The following PSG2 variants were observed in gnomAD, a reference collection of about 807,000 sequenced individuals.
PSG2 encodes the protein pregnancy specific beta-1-glycoprotein 2.
Under a neutral mutation model 36.2 loss-of-function variants are expected in PSG2, and 49 were observed. The observed-to-expected ratio is 1.35, with a 90% CI of 1.08 to 1.72. The LOEUF (loss-of-function observed/expected upper bound fraction) is 1.72. PSG2 is among the 40% of genes most tolerant of loss of function. The pLI, the probability that PSG2 is intolerant of heterozygous loss-of-function variation, is 0.00. For synonymous variants in PSG2, 261 were observed against 155.6 expected (o/e 1.68, Z -5.04); for missense variants, 605 against 407.2 (o/e 1.49, Z -4.18).
intron 3 of PSG2, chr19:43,072,681 C>T (rs1967836759): frequency 1.9e-6 from 3 of 1,596,728 alleles, no homozygotes; most frequent in East Asian, 4.5e-5. Flanking sequence ...TTGATTCCTC[C>T]ACAGGCATCC....
chr19:43,067,874 T>C (rs1967762919), intron 4 of PSG2, among the ~76,000 whole-genome samples: 1 of 151,242 alleles, frequency 6.6e-6, no homozygotes, highest in African/African-American at 2.5e-5. Context: ...AACTGTAAAC[T>C]CTTACATTAA....
chr19:43,064,868 G>C (rs1418421285), intron 5 of PSG2, among the ~76,000 whole-genome samples: 2 of 151,626 alleles, frequency 1.3e-5, no homozygotes, highest in African/African-American at 2.4e-5. Flanking sequence ...GTCTCACTCT[G>C]TCACCCAGAC....
intron 2 of PSG2, among the ~76,000 whole-genome samples, chr19:43,077,547 T>A (rs1967914494): frequency 6.6e-6 from 1 of 151,686 alleles, no homozygotes; most frequent in Non-Finnish European, 1.5e-5. Context: ...CAATGGCTCA[T>A]GTGTCTCCCC....
intron 3 of PSG2, among the ~76,000 whole-genome samples, chr19:43,075,003 A>C (rs2122907581): frequency 6.6e-6 from 1 of 151,724 alleles, no homozygotes; most frequent in South Asian, 2.1e-4. Flanking sequence ...AGGGAAGGGA[A>C]AATCCTGGTC....
intron 4 of PSG2, among the ~76,000 whole-genome samples, chr19:43,068,188 C>T (rs1483684880): frequency 6.6e-6 from 1 of 151,224 alleles, no homozygotes; most frequent in African/African-American, 2.4e-5. Context: ...TTAATCCTAG[C>T]ACTTTGGGAG....
chr19:43,067,569 A>G (rs1967757110), intron 4 of PSG2, among the ~76,000 whole-genome samples: 1 of 151,600 alleles, frequency 6.6e-6, no homozygotes, highest in Middle Eastern at 3.4e-3. Context: ...TCAGGTAGAC[A>G]TTATTTCCAT....
At chr19:43,072,437 G>C (rs1311247626) in intron 3 of PSG2, 1 of 1,612,028 alleles carries the variant, frequency 6.2e-7, no homozygotes, top group South Asian at 1.1e-5. Flanking sequence ...TTCATTTCTC[G>C]TGACACTGGG....
chr19:43,068,436 C>A (rs1309096762), intron 4 of PSG2, among the ~76,000 whole-genome samples: 1 of 146,450 alleles, frequency 6.8e-6, no homozygotes. Flanking sequence ...AGAGTGACAG[C>A]CTGTCTCTCT....
intron 3 of PSG2, chr19:43,072,718 T>C: frequency 8.3e-6 from 13 of 1,565,882 alleles, no homozygotes; most frequent in Non-Finnish European, 1.1e-5. Flanking sequence ...ATCTCCCACC[T>C]CTCAGCCCAC....
intron 2 of PSG2, 125 bp from the exon 3 acceptor site, chr19:43,075,757 G>A: frequency 1.3e-6 from 2 of 1,498,698 alleles, no homozygotes; most frequent in South Asian, 1.3e-5. Flanking sequence ...CCCATGGCAG[G>A]TGTGTGTGTT....
chr19:43,074,849 AG>A (rs1365501153), intron 3 of PSG2, among the ~76,000 whole-genome samples: 1 of 151,736 alleles, frequency 6.6e-6, no homozygotes, highest in Non-Finnish European at 1.5e-5. Context: ...CAATCAGCCA[AG>A]AATGCTCTGC....
intron 2 of PSG2, 114 bp downstream of exon 2, chr19:43,080,767 T>G (rs921792174): frequency 2.2e-5 from 35 of 1,592,418 alleles, no homozygotes; most frequent in African/African-American, 9.5e-5. Context: ...AACCCCAGCA[T>G]GGGACATAAT....
At chr19:43,080,759 C>T (rs546043430) in intron 2 of PSG2, 122 bp downstream of exon 2, 35 of 1,585,820 alleles carry the variant, frequency 2.2e-5, no homozygotes, top group Admixed American at 6.7e-5. Flanking sequence ...AATGCCCAAA[C>T]CCCAGCATGG....
At chr19:43,078,647 C>G (rs181315453) in intron 2 of PSG2, among the ~76,000 whole-genome samples, 15 of 151,680 alleles carry the variant, frequency 9.9e-5, no homozygotes, top group East Asian at 7.7e-4. Context: ...CAGTCCTGTG[C>G]CCCTGAAACT....
chr19:43,072,009 C>T (rs1468737251), intron 3 of PSG2, 55 bp from the exon 4 acceptor site: 9 of 1,588,696 alleles, frequency 5.7e-6, no homozygotes, highest in African/African-American at 2.7e-5. Flanking sequence ...AGGGGATGCT[C>T]CTGGTCTCTT....
intron 3 of PSG2, chr19:43,072,767 A>G: frequency 2.0e-6 from 3 of 1,475,480 alleles, no homozygotes; most frequent in Non-Finnish European, 2.7e-6. Context: ...TGTGTGTCAC[A>G]AGACAGATGC....
chr19:43,075,502 G>C lies in PSG2; in HGVS notation c.561C>G (p.Leu187=), dbSNP rs761280202. Residue 187 remains leucine (L), a synonymous_variant, in exon 3 of 6, where the codon CTC becomes CTG. Transcript: ENST00000406487. ...ACAGCTGAAACCTATGAGTCATAGG[G>C]AGGCTCTGACCATTCATCCACCACT... is the stretch of plus-strand genomic sequence containing the variant. ...SYQWWMNGQS[L]PMTHRFQLSE... 13 of 1,613,122 alleles carry C rather than the reference G, an allele frequency of 8.1e-6. No individual in the cohort carries two copies.
At chr19:43,081,550 C>T (rs1198608150) in intron 1 of PSG2, among the ~76,000 whole-genome samples, 1 of 148,900 alleles carries the variant, frequency 6.7e-6, no homozygotes, top group Non-Finnish European at 1.5e-5. Context: ...CGCATGACCC[C>T]ATCAGGTCCT....
chr19:43,072,382 G>C (rs1221620213), intron 3 of PSG2: 2 of 1,612,688 alleles, frequency 1.2e-6, no homozygotes, highest in Non-Finnish European at 1.7e-6. Context: ...GGTCACTGTG[G>C]ATGCCACCAT....
Sources: gnomAD v4.1 joint callset for allele counts (sites outside exome capture counted in the v4.1 genomes callset) on GRCh38, gnomAD v4.1.1 for gene constraint, MANE v1.5 for transcripts, NCBI Gene and HGNC (gene_info 2026-07-23, HGNC 2026-07-21) for gene names.